ZBTB49: variants seen among roughly 807,000 people sequenced by gnomAD.
The protein encoded by ZBTB49 is zinc finger and BTB domain containing 49.
Under a neutral mutation model 57.5 loss-of-function variants are expected in ZBTB49, and 43 were observed. The observed-to-expected ratio is 0.75, with a 90% CI of 0.59 to 0.97. The LOEUF (loss-of-function observed/expected upper bound fraction) is 0.97, where lower values mean the gene tolerates loss of function less well. ZBTB49 is among the 50% of genes least tolerant of loss of function. The pLI, the probability that ZBTB49 is intolerant of heterozygous loss-of-function variation, is 0.00. For missense variants in ZBTB49, 938 were observed against 947.7 expected (o/e 0.99, Z 0.13); for synonymous variants, 369 against 362.1 (o/e 1.02, Z -0.22).
Position 4,318,989 on chromosome 4 carries a change from C to A in ZBTB49, c.1622-1651C>A, listed in dbSNP as rs146082085. Reference sequence around the variant, plus strand: ...CACTGCAGCCTCGACCTCCTGGACACAGGCAGTCCTCTCGCCTCAGTCTTC... The same window carrying A: ...CACTGCAGCCTCGACCTCCTGGACAAAGGCAGTCCTCTCGCCTCAGTCTTC... On this transcript the variant is annotated intron_variant, in intron 7 of 7. Coordinates refer to ENST00000337872, the MANE Select transcript of ZBTB49 (RefSeq NM_145291.4). Among the ~76,000 whole-genome samples, 59 of 149,322 alleles carry A rather than the reference C, an allele frequency of 4.0e-4. No individual in the cohort carries two copies. In the Middle Eastern group the frequency reaches 0.021, roughly 53 times the overall value.
intron 1 of ZBTB49, among the ~76,000 whole-genome samples, chr4:4,295,307 G>A (rs1720142704): frequency 6.6e-6 from 1 of 152,138 alleles, no homozygotes; most frequent in Non-Finnish European, 1.5e-5. Context: ...AACCGGGTGG[G>A]GGGAGCAGGG....
chr4:4,307,860 C>T (rs1720806653), intron 4 of ZBTB49, among the ~76,000 whole-genome samples: 1 of 152,158 alleles, frequency 6.6e-6, no homozygotes, highest in South Asian at 2.1e-4. Context: ...AAAACTAGAG[C>T]TGAAAGCCCT....
At chr4:4,306,059 A>G (rs1720721269) in intron 3 of ZBTB49, 79 bp from the exon 4 acceptor site, 7 of 1,183,666 alleles carry the variant, frequency 5.9e-6, no homozygotes, top group East Asian at 4.7e-5. Flanking sequence ...TTGAAAGTAC[A>G]TAGGAGGTCA....
intron 2 of ZBTB49, 92 bp downstream of exon 2, chr4:4,300,189 C>T: frequency 7.2e-7 from 1 of 1,392,892 alleles, no homozygotes; most frequent in Non-Finnish European, 9.8e-7. Context: ...CCTTGGATTT[C>T]ACTATCTTTA....
chr4:4,295,328 A>G (rs886778060), intron 1 of ZBTB49, among the ~76,000 whole-genome samples: 1 of 152,144 alleles, frequency 6.6e-6, no homozygotes, highest in Non-Finnish European at 1.5e-5. Context: ...ACTGCCAAAC[A>G]TTTTTAAACC....
At chr4:4,292,170 A>G (rs1054752025) in intron 1 of ZBTB49, among the ~76,000 whole-genome samples, 2 of 151,928 alleles carry the variant, frequency 1.3e-5, no homozygotes, top group African/African-American at 2.4e-5. Flanking sequence ...AATCCCAGCT[A>G]CTCGGGAGGC....
chr4:4,313,200 C>A, intron 5 of ZBTB49, 86 bp downstream of exon 5: 1 of 1,512,408 alleles, frequency 6.6e-7, no homozygotes. Flanking sequence ...GAAGTGGTGG[C>A]TCACAGATGA....
In ZBTB49 at chr4:4,321,487, G is replaced by A. The variant is rs937851742; in HGVS notation, c.*171G>A. On this transcript the variant is annotated 3_prime_UTR_variant, in exon 8 of 8. Coordinates refer to ENST00000337872, the MANE Select transcript of ZBTB49 (RefSeq NM_145291.4). ...GAAGCATCTTGAGCTGGGGGTGTGA[G>A]GGGGAGGGCCTGCTGGCTCACCGTG... 1.0e-5 allele frequency: 8 copies of A among 769,262 alleles called. No homozygotes were observed. Among genetic ancestry groups the A allele is most frequent in the South Asian group, 3.8e-5 (2 of 52,804 alleles). 47.7% of individuals were successfully genotyped at this position (769,262 alleles called of 1,614,324 possible).
At chr4:4,295,971 A>G (rs1720178753) in intron 1 of ZBTB49, among the ~76,000 whole-genome samples, 1 of 152,224 alleles carries the variant, frequency 6.6e-6, no homozygotes, top group African/African-American at 2.4e-5. Context: ...TAAAGTTTCA[A>G]ATTTAGGAAT....
Position 4,312,868 on chromosome 4 carries a change from G to T in ZBTB49, c.1303-173G>T, listed in dbSNP as rs1334577271. Among the ~76,000 whole-genome samples the T allele has an allele frequency of 6.3e-4, 96 of 152,250 alleles. 1 individual carries two copies. Among genetic ancestry groups the T allele is most frequent in the Non-Finnish European group, 1.5e-4 (10 of 68,022 alleles). ...TGTACAGCAGGTGGCCAGGCACTCT[G>T]GCTGCTCTTCACGCTCTTGCCCATG... On this transcript the variant is annotated intron_variant, in intron 4 of 7. Transcript: ENST00000337872.
chr4:4,305,724 A>G (rs1258095536), intron 3 of ZBTB49, among the ~76,000 whole-genome samples: 2 of 152,202 alleles, frequency 1.3e-5, no homozygotes, highest in African/African-American at 4.8e-5. Flanking sequence ...CTCTGTGCTC[A>G]TACCTTGTGT....
Position 4,300,014 on chromosome 4 carries a change from G to A in ZBTB49, c.69G>A (p.Leu23=). The change falls in exon 2 of 8, where the codon CTG becomes CTA. Residue 23 remains leucine (L), a synonymous_variant. Transcript: ENST00000337872. ...TGCATGAGCAGCGAATCCAAGGCCTGCTTTGTGACTGTATGTTGGTGGTAA... is the reference window on the plus strand; with the variant it reads ...TGCATGAGCAGCGAATCCAAGGCCTACTTTGTGACTGTATGTTGGTGGTAA... ...QQLHEQRIQG[L]LCDCMLVVKG... is the part of the protein sequence containing the mutation. The A allele has an allele frequency of 6.2e-7, 1 of 1,614,190 alleles. No individual in the cohort carries two copies. Among genetic ancestry groups the A allele is most frequent in the South Asian group, 1.1e-5 (1 of 91,086 alleles).
chr4:4,304,207 A>G (rs940201159), intron 3 of ZBTB49, among the ~76,000 whole-genome samples: 1 of 151,206 alleles, frequency 6.6e-6, no homozygotes, highest in African/African-American at 2.4e-5. Context: ...AATCTCCTAC[A>G]GCCTAATGAT....
chr4:4,310,012 C>T (rs567137679), intron 4 of ZBTB49, among the ~76,000 whole-genome samples: 1 of 152,126 alleles, frequency 6.6e-6, no homozygotes, highest in South Asian at 2.1e-4. Flanking sequence ...ATTACGATTC[C>T]TGACTTTTTT....
Position 4,302,380 on chromosome 4 carries a change from A to C in ZBTB49, c.544A>C (p.Asn182His), listed in dbSNP as rs776721474. 6 of 1,614,144 alleles carry C rather than the reference A, an allele frequency of 3.7e-6. No individual in the cohort carries two copies. In the African/African-American group the frequency reaches 5.3e-5, roughly 14 times the overall value. ...GCATCCGCATGCTTCACCATCAGTT[A>C]ATCGTCATCACTCCGCAGGTGAAAT... ...ESHPHASPSV[N>H]RHHSAGEISK... Residue 182 changes from asparagine (N) to histidine (H), a missense_variant, in exon 3 of 8, where the codon AAT (asparagine) becomes CAT (histidine). Transcript: ENST00000337872.
At chr4:4,292,593 G>A (rs1171412565) in intron 1 of ZBTB49, among the ~76,000 whole-genome samples, 1 of 152,172 alleles carries the variant, frequency 6.6e-6, no homozygotes, top group East Asian at 1.9e-4. Context: ...TCAGCATAAA[G>A]CTAAGACAAG....
At chr4:4,311,957 T>C (rs1720997436) in intron 4 of ZBTB49, among the ~76,000 whole-genome samples, 1 of 152,226 alleles carries the variant, frequency 6.6e-6, no homozygotes, top group South Asian at 2.1e-4. Context: ...TGAATTCTAG[T>C]TTTCATTCAC....
rs1362843842 is a variant in ZBTB49 at position 4,318,628 on chromosome 4, A to C, written c.1622-2012A>C. 2.0e-5 allele frequency among the ~76,000 whole-genome samples: 3 copies of C among 152,308 alleles called. No homozygotes were observed. In the East Asian group the frequency reaches 5.8e-4, roughly 29 times the overall value. On this transcript the variant is annotated intron_variant, in intron 7 of 7. Transcript: ENST00000337872. ...ATCTCAAAAACAAAAACAAAAAAACAAAAAAGATAAAAACTTTATGCTAGA... is the reference window on the plus strand; with the variant it reads ...ATCTCAAAAACAAAAACAAAAAAACCAAAAAGATAAAAACTTTATGCTAGA...
chr4:4,304,382 AT>A (rs1223396826), intron 3 of ZBTB49, among the ~76,000 whole-genome samples: 1 of 151,498 alleles, frequency 6.6e-6, no homozygotes, highest in Non-Finnish European at 1.5e-5. Flanking sequence ...TGCGCCACCA[AT>A]TTTTTTGTAT....
Sources: gnomAD v4.1 joint callset for allele counts (sites outside exome capture counted in the v4.1 genomes callset) on GRCh38, gnomAD v4.1.1 for gene constraint, MANE v1.5 for transcripts, NCBI Gene and HGNC (gene_info 2026-07-23, HGNC 2026-07-21) for gene names.